The following SLC7A14 variants were observed in gnomAD, a reference collection of about 807,000 sequenced individuals.
The protein encoded by SLC7A14 is solute carrier family 7 member 14, also known as gamma-aminobutyric acid transporter SLC7A14.
SLC7A14 carries 37 observed loss-of-function variants against 60.2 expected under a neutral mutation model. That is an observed-to-expected ratio of 0.61 (90% CI 0.47 to 0.81). The LOEUF is 0.81. Among genes scored for constraint, SLC7A14 ranks in the 30% least tolerant of loss-of-function variants. The pLI is 0.00. For missense variants in SLC7A14, 886 were observed against 982.7 expected (o/e 0.90, Z 1.32); for synonymous variants, 399 against 395.8 (o/e 1.01, Z -0.10).
At chr3:170,539,726 T>C (rs1389507620) in intron 1 of SLC7A14, among the ~76,000 whole-genome samples, 3 of 152,198 alleles carry the variant, frequency 2.0e-5, no homozygotes, top group African/African-American at 7.2e-5. Flanking sequence ...TACAATATCA[T>C]ATAGTATTTT....
At chr3:170,549,729 A>G (rs925435474) in intron 1 of SLC7A14, among the ~76,000 whole-genome samples, 1 of 152,170 alleles carries the variant, frequency 6.6e-6, no homozygotes, top group South Asian at 2.1e-4. Context: ...AGAATAAACA[A>G]TGGTTCCCCA....
At chr3:170,469,454 G>A (rs1476983403) in intron 7 of SLC7A14, among the ~76,000 whole-genome samples, 1 of 152,042 alleles carries the variant, frequency 6.6e-6, no homozygotes, top group Non-Finnish European at 1.5e-5. Flanking sequence ...CTCAAATAAT[G>A]ATTCATCTTT....
At chr3:170,534,891 C>T (rs180784356) in intron 1 of SLC7A14, among the ~76,000 whole-genome samples, 4 of 152,290 alleles carry the variant, frequency 2.6e-5, no homozygotes, top group South Asian at 2.1e-4. Context: ...TCCAGAGTTG[C>T]GAATACTCTC....
chr3:170,529,124 A>C (rs1305883007), intron 1 of SLC7A14, among the ~76,000 whole-genome samples: 2 of 152,244 alleles, frequency 1.3e-5, no homozygotes, highest in Non-Finnish European at 2.9e-5. Context: ...TCGCATATCT[A>C]TTGCAGAAAA....
At chr3:170,571,354 T>C (rs2108315241) in intron 1 of SLC7A14, among the ~76,000 whole-genome samples, 1 of 152,340 alleles carries the variant, frequency 6.6e-6, no homozygotes, top group South Asian at 2.1e-4. Flanking sequence ...TTAGGGCAAA[T>C]CTGTCTTTCA....
chr3:170,498,542 G>T, intron 4 of SLC7A14, 125 bp downstream of exon 4: 1 of 785,144 alleles, frequency 1.3e-6, no homozygotes, highest in Non-Finnish European at 2.0e-6. Flanking sequence ...ATCAAAAGGT[G>T]ATAAAGAGGG....
rs200936114 is a variant in SLC7A14 at position 170,505,101 on chromosome 3, A to AT, written c.305-3757dup. 1.5e-3 allele frequency among the ~76,000 whole-genome samples: 225 copies of AT among 146,870 alleles called. 1 individual carries two copies. The highest frequency in any genetic ancestry group is 7.7e-3 in the East Asian group (39 of 5,078). On this transcript the variant is annotated intron_variant, in intron 2 of 7. Coordinates refer to ENST00000231706, the MANE Select transcript of SLC7A14 (RefSeq NM_020949.3). ...TCCATTTTACATATACACACAAAGC[A>AT]TTTTTTTTTTTGCATGGCTTTTTAG...
At chr3:170,579,167 T>G (rs994496854) in intron 1 of SLC7A14, among the ~76,000 whole-genome samples, 1 of 152,060 alleles carries the variant, frequency 6.6e-6, no homozygotes. Context: ...AAATGCAGAG[T>G]GGGTTCTATA....
Position 170,463,735 on chromosome 3 carries a change from T to C in SLC7A14, c.*3320A>G, listed in dbSNP as rs1428903995. 2 of 152,202 alleles carry C rather than the reference T, an allele frequency of 1.3e-5. No individual in the cohort carries two copies. The highest frequency in any genetic ancestry group is 2.9e-5 in the Non-Finnish European group (2 of 68,030). 9.4% of individuals were successfully genotyped at this position (152,202 alleles called of 1,614,324 possible). On this transcript the variant is annotated 3_prime_UTR_variant, in exon 8 of 8. Transcript: ENST00000231706. ...ATTTTTATCTGACTTACGATATCAA[T>C]ATCTGCCATAGTACATAATAGGCAC...
intron 1 of SLC7A14, among the ~76,000 whole-genome samples, chr3:170,537,862 C>T (rs1659296097): frequency 6.6e-6 from 1 of 152,196 alleles, no homozygotes; most frequent in South Asian, 2.1e-4. Flanking sequence ...ATATTTTCTG[C>T]ATATAATGTT....
intron 1 of SLC7A14, among the ~76,000 whole-genome samples, chr3:170,529,131 A>T (rs1713598883): frequency 1.3e-5 from 2 of 152,248 alleles, no homozygotes; most frequent in South Asian, 4.1e-4. Context: ...TCTATTGCAG[A>T]AAAGTCAGAC....
At chr3:170,567,220 C>T (rs1714819341) in intron 1 of SLC7A14, among the ~76,000 whole-genome samples, 2 of 144,802 alleles carry the variant, frequency 1.4e-5, no homozygotes, top group Admixed American at 1.5e-4. Flanking sequence ...CATGTGTTCT[C>T]ACTGTTCAAT....
intron 1 of SLC7A14, among the ~76,000 whole-genome samples, chr3:170,567,081 A>G (rs1295923455): frequency 6.6e-6 from 1 of 150,984 alleles, no homozygotes; most frequent in Non-Finnish European, 1.5e-5. Context: ...ATATGTATAC[A>G]TGTGCCATGC....
At chr3:170,569,728 T>A (rs1411708255) in intron 1 of SLC7A14, among the ~76,000 whole-genome samples, 1 of 152,126 alleles carries the variant, frequency 6.6e-6, no homozygotes, top group Admixed American at 6.5e-5. Context: ...TTCTTCCTGG[T>A]TTAGTCTTGG....
chr3:170,577,303 G>A (rs59973116), intron 1 of SLC7A14, among the ~76,000 whole-genome samples: 2,556 of 152,280 alleles, frequency 0.017, 73 homozygotes, highest in African/African-American at 0.057. Context: ...AGGCCATCCC[G>A]CTCCCCACAG....
At chr3:170,562,806 G>C (rs969101559) in intron 1 of SLC7A14, among the ~76,000 whole-genome samples, 8 of 152,032 alleles carry the variant, frequency 5.3e-5, no homozygotes, top group African/African-American at 1.9e-4. Context: ...ACCCAGGCTG[G>C]AGTACAGTGG....
intron 7 of SLC7A14, among the ~76,000 whole-genome samples, chr3:170,475,607 T>A (rs1004952226): frequency 1.3e-5 from 2 of 152,176 alleles, no homozygotes; most frequent in Non-Finnish European, 2.9e-5. Context: ...AAAACTATGC[T>A]CCCCTTAGAG....
chr3:170,508,050 TCTC>T (rs1280921042), intron 2 of SLC7A14, among the ~76,000 whole-genome samples: 2 of 152,224 alleles, frequency 1.3e-5, no homozygotes, highest in African/African-American at 4.8e-5. Context: ...AGACCTGAGG[TCTC>T]CTGATATCCA....
intron 2 of SLC7A14, 79 bp downstream of exon 2, chr3:170,526,554 A>C: frequency 1.0e-5 from 15 of 1,494,056 alleles, no homozygotes; most frequent in Non-Finnish European, 1.4e-5. Context: ...ACCACTAAAT[A>C]CTCCGGAGAA....
Sources: allele counts gnomAD v4.1 joint callset (sites outside exome capture counted in the v4.1 genomes callset), GRCh38; gene constraint gnomAD v4.1.1; transcripts MANE v1.5; gene names NCBI Gene and HGNC (gene_info 2026-07-23, HGNC 2026-07-21).